Variants in HTRA3 observed in about 807,000 individuals in gnomAD.
HTRA3 encodes the protein serine protease HTRA3.
Under a neutral mutation model 43.2 loss-of-function variants are expected in HTRA3, and 41 were observed. The observed-to-expected ratio is 0.95, with a 90% CI of 0.74 to 1.23. HTRA3 has a LOEUF of 1.23. HTRA3 is among the 50% of genes most tolerant of loss of function. The probability of loss-of-function intolerance (pLI) is 0.00; values close to 1 mark genes in which losing one functional copy is unlikely to be tolerated. For missense variants in HTRA3, 628 were observed against 647.1 expected, an observed-to-expected ratio of 0.97 and a Z score of 0.32; for synonymous variants, 295 against 287.9, an observed-to-expected ratio of 1.02 and a Z score of -0.25.
chr4:8,299,920 A>T (rs1332958145), intron 6 of HTRA3, among the ~76,000 whole-genome samples: 1 of 151,140 alleles, frequency 6.6e-6, no homozygotes, highest in African/African-American at 2.4e-5. Flanking sequence ...GCTCCCTGCA[A>T]CCTCTACCTC....
In HTRA3 at chr4:8,286,407, G is replaced by C. The variant is rs1011039689; in HGVS notation, c.486-154G>C. Reference sequence around the variant, plus strand: ...GCCGGTGACTTGGCCAGGTCACAGGGCCAGGATTCAAATGGGAGCTTGAGG... The same window carrying C: ...GCCGGTGACTTGGCCAGGTCACAGGCCCAGGATTCAAATGGGAGCTTGAGG... On this transcript the variant is annotated intron_variant, in intron 2 of 8. Coordinates refer to ENST00000307358, the MANE Select transcript of HTRA3 (RefSeq NM_053044.5). The surrounding 1 kb of genome is among the most constrained non-coding windows in gnomAD (Gnocchi z 4.9). Among the ~76,000 whole-genome samples, 1 of 152,142 alleles carries C rather than the reference G, an allele frequency of 6.6e-6. No homozygotes were observed. Among genetic ancestry groups the C allele is most frequent in the Non-Finnish European group, 1.5e-5 (1 of 68,026 alleles).
Position 8,286,757 on chromosome 4 carries a change from A to G in HTRA3, c.682A>G (p.Ile228Val). The G allele has an allele frequency of 6.2e-7, 1 of 1,613,978 alleles. No homozygotes were observed. Among genetic ancestry groups the G allele is most frequent in the Non-Finnish European group, 8.5e-7 (1 of 1,179,938 alleles). ...TIKDIDKKSD[I>V]ATIKIHPKKK... The stretch of plus-strand genomic sequence containing the variant: ...CAAAGACATCGACAAGAAGTCGGAC[A>G]TTGCCACCATCAAGATCCATCCCAA... The change falls in exon 3 of 9, where the codon ATT becomes GTT. Residue 228 changes from isoleucine to valine, a missense_variant. Physicochemically the swap from Ile to Val is conservative, Grantham distance 29. Transcript: ENST00000307358. This position sits in a 1 kb window ranked among gnomAD's most constrained non-coding sequence, Gnocchi z 4.9.
chr4:8,303,578 C>G (rs1713734772), intron 7 of HTRA3, among the ~76,000 whole-genome samples: 2 of 152,250 alleles, frequency 1.3e-5, no homozygotes. Context: ...GTCCCTAAAG[C>G]TGTCATTCCT....
At chr4:8,300,672 TTTA>T (rs1283901887) in intron 6 of HTRA3, among the ~76,000 whole-genome samples, 1 of 152,108 alleles carries the variant, frequency 6.6e-6, no homozygotes, top group Non-Finnish European at 1.5e-5. Context: ...AAGAATCAGC[TTTA>T]TTTTTTATTT....
chr4:8,275,154 A>G (rs2153003682), intron 1 of HTRA3, among the ~76,000 whole-genome samples: 1 of 152,326 alleles, frequency 6.6e-6, no homozygotes, highest in Non-Finnish European at 1.5e-5. Context: ...AGGAGCCAGG[A>G]GTCCAGCCGG....
rs920334392 is a variant in HTRA3 at position 8,279,314 on chromosome 4, C to T, written c.386-3123C>T. Among the ~76,000 whole-genome samples, 2 of 152,236 alleles carry T rather than the reference C, an allele frequency of 1.3e-5. No homozygotes were observed. Among genetic ancestry groups the T allele is most frequent in the African/African-American group, 4.8e-5 (2 of 41,454 alleles). On this transcript the variant is annotated intron_variant, in intron 1 of 8. Coordinates refer to ENST00000307358, the MANE Select transcript of HTRA3 (RefSeq NM_053044.5). This position sits in a 1 kb window ranked among gnomAD's most constrained non-coding sequence, Gnocchi z 7.4. ...ACCATGTAGTAGAATTTTGATGTTT[C>T]CTGCAAGGCTTTTACTTAACGAATA...
intron 6 of HTRA3, among the ~76,000 whole-genome samples, chr4:8,301,684 CCCTCTA>C (rs1303754807): frequency 1.3e-5 from 2 of 152,042 alleles, no homozygotes; most frequent in African/African-American, 4.8e-5. Context: ...CTATTAATTT[CCCTCTA>C]CCTCTACAAC....
rs142921859 is a variant in HTRA3 at position 8,294,101 on chromosome 4, T to C, written c.951T>C (p.Ile317=). The part of the protein sequence containing the change: ...GPLVNLDGEV[I]GINTLKVTAG... The stretch of plus-strand genomic sequence containing the variant: ...TCCCTGCCCAGGATGGCGAGGTCAT[T>C]GGCATCAACACGCTCAAGGTCACGG... Residue 317 remains isoleucine (I), a synonymous_variant, in exon 6 of 9, where the codon ATT becomes ATC. Transcript: ENST00000307358. The C allele has an allele frequency of 7.8e-4, 1,251 of 1,610,650 alleles. 1 individual carries two copies. Among genetic ancestry groups the C allele is most frequent in the Non-Finnish European group, 9.3e-4 (1,100 of 1,178,338 alleles).
At position 8,306,774 on chromosome 4, in the gene HTRA3, G is replaced by T. The variant is rs537637348; in HGVS notation, c.*638G>T. On this transcript the variant is annotated 3_prime_UTR_variant, in exon 9 of 9. Transcript: ENST00000307358. This position sits in a 1 kb window ranked among gnomAD's most constrained non-coding sequence, Gnocchi z 8.9. Reference sequence around the variant, plus strand: ...TTCCTCCCCAGGCAGGCAGGAGGCCGCGGGGAGCACGTGGAAAGTTGGCTG... The same window carrying T: ...TTCCTCCCCAGGCAGGCAGGAGGCCTCGGGGAGCACGTGGAAAGTTGGCTG... The T allele has an allele frequency of 2.6e-5, 4 of 152,666 alleles. No individual in the cohort carries two copies. The highest frequency in any genetic ancestry group is 1.3e-4 in the Admixed American group (2 of 15,294). The allele number at this position is 152,666 out of a possible 1,614,324, so 9.5% of individuals were successfully genotyped here.
intron 3 of HTRA3, among the ~76,000 whole-genome samples, chr4:8,288,780 C>T (rs1439110922): frequency 6.6e-6 from 1 of 151,846 alleles, no homozygotes; most frequent in African/African-American, 2.4e-5. Flanking sequence ...CCATGTTGGC[C>T]AGGCTGGTCT....
In HTRA3 at chr4:8,282,486, C is replaced by G. The variant is rs141664789; in HGVS notation, c.435C>G (p.Asp145Glu). The G allele has an allele frequency of 1.9e-6, 3 of 1,614,138 alleles. No homozygotes were observed. The South Asian group carries it at 3.3e-5, about 18-fold the overall frequency. The change falls in exon 2 of 9, where the codon GAC becomes GAG. Residue 145 changes from aspartate to glutamate, a missense_variant. Physicochemically the swap from Asp to Glu is conservative, Grantham distance 45. Transcript: ENST00000307358. ...SPRYKFNFIA[D>E]VVEKIAPAVV... ...GCTACAAGTTCAACTTCATTGCTGACGTGGTGGAGAAGATCGCACCAGCCG... is the reference window on the plus strand; with the variant it reads ...GCTACAAGTTCAACTTCATTGCTGAGGTGGTGGAGAAGATCGCACCAGCCG...
intron 8 of HTRA3, among the ~76,000 whole-genome samples, 183 bp downstream of exon 8, chr4:8,304,462 G>T (rs1433448766): frequency 6.6e-6 from 1 of 152,066 alleles, no homozygotes; most frequent in Non-Finnish European, 1.5e-5. Context: ...CTAGAGCCCT[G>T]ACTGTGTACG....
chr4:8,304,437 A>G (rs188971207), intron 8 of HTRA3, among the ~76,000 whole-genome samples, 158 bp downstream of exon 8: 317 of 152,242 alleles, frequency 2.1e-3, no homozygotes, highest in South Asian at 0.014. Context: ...AGGAGGCTGG[A>G]GAGCTGAATG....
chr4:8,303,932 C>G (rs546346119), intron 7 of HTRA3, among the ~76,000 whole-genome samples: 1 of 152,318 alleles, frequency 6.6e-6, no homozygotes, highest in African/African-American at 2.4e-5. Flanking sequence ...ATCCATCCTC[C>G]CGCCCCTCCT....
At chr4:8,299,089 A>G (rs1713555131) in intron 6 of HTRA3, among the ~76,000 whole-genome samples, 1 of 152,226 alleles carries the variant, frequency 6.6e-6, no homozygotes, top group Non-Finnish European at 1.5e-5. Flanking sequence ...TTGGCATTTT[A>G]ACAATGGTAA....
intron 7 of HTRA3, 99 bp downstream of exon 7, chr4:8,302,610 A>G: frequency 8.3e-7 from 1 of 1,204,120 alleles, no homozygotes. Context: ...GGCTCCTTGC[A>G]GGTGCCCAGA....
At position 8,279,244 on chromosome 4, in the gene HTRA3, A is replaced by C. The variant is rs1280554580; in HGVS notation, c.386-3193A>C. ...CTCCCTGTTTTATTTTCTCTTTGAA[A>C]AATGAAAAAAAGTCACTGTAACTTT... On this transcript the variant is annotated intron_variant, in intron 1 of 8. Transcript: ENST00000307358. The surrounding 1 kb of genome is among the most constrained non-coding windows in gnomAD (Gnocchi z 7.4). 6.6e-6 allele frequency among the ~76,000 whole-genome samples: 1 copy of C among 152,224 alleles called. No individual in the cohort carries two copies. Among genetic ancestry groups the C allele is most frequent in the East Asian group, 1.9e-4 (1 of 5,196 alleles).
At chr4:8,270,645 G>A (rs1463716562) in intron 1 of HTRA3, among the ~76,000 whole-genome samples, 1 of 152,220 alleles carries the variant, frequency 6.6e-6, no homozygotes, top group South Asian at 2.1e-4. Context: ...CAGAACTGAT[G>A]TCTCGTGCCC....
In HTRA3 at chr4:8,290,185, C is replaced by A. The variant is rs993185283; in HGVS notation, c.709-1185C>A. On this transcript the variant is annotated intron_variant, in intron 3 of 8. Coordinates refer to ENST00000307358, the MANE Select transcript of HTRA3 (RefSeq NM_053044.5). ...TTGAGCACAGAGAATAGAGGAGCGG[C>A]CTGAGTCTTTCCCACACCAGCGCCC... is the stretch of plus-strand genomic sequence containing the variant. Among the ~76,000 whole-genome samples, 7 of 152,374 alleles carry A rather than the reference C, an allele frequency of 4.6e-5. No individual in the cohort carries two copies. In the East Asian group the frequency reaches 1.3e-3, roughly 29 times the overall value.
Sources: allele counts gnomAD v4.1 joint callset (sites outside exome capture counted in the v4.1 genomes callset), GRCh38; gene constraint gnomAD v4.1.1; non-coding constraint Gnocchi (gnomAD v3.1); transcripts MANE v1.5; gene names NCBI Gene and HGNC (gene_info 2026-07-23, HGNC 2026-07-21).